The following LMNB2 variants were observed in gnomAD, a reference collection of about 807,000 sequenced individuals.
The protein encoded by LMNB2 is lamin B2.
LMNB2 carries 17 observed loss-of-function variants against 69.3 expected under a neutral mutation model. The observed-to-expected ratio is 0.25, with a 90% confidence interval of 0.17 to 0.37. The LOEUF is 0.37. Among genes scored for constraint, LMNB2 ranks in the 10% least tolerant of loss-of-function variants. The pLI, the probability that LMNB2 is intolerant of heterozygous loss-of-function variation, is 1.00. For synonymous variants in LMNB2, 397 were observed against 389.3 expected, an observed-to-expected ratio of 1.02 and a Z score of -0.23; for missense variants, 789 against 883.6, an observed-to-expected ratio of 0.89 and a Z score of 1.36.
At chr19:2,451,537 C>T (rs1026783413) in intron 1 of LMNB2, among the ~76,000 whole-genome samples, 9 of 152,316 alleles carry the variant, frequency 5.9e-5, no homozygotes, top group African/African-American at 1.7e-4. Flanking sequence ...TTTGAGCCTG[C>T]GGAACGGGTG....
chr19:2,436,013 A>G (rs1462102306), intron 4 of LMNB2, among the ~76,000 whole-genome samples: 4 of 151,612 alleles, frequency 2.6e-5, no homozygotes, highest in African/African-American at 9.7e-5. Flanking sequence ...GGCCGGGCAC[A>G]GTGGCTCAAG....
At position 2,432,424 on chromosome 19, in the gene LMNB2, T is replaced by A; in HGVS notation, c.1582A>T (p.Met528Leu). ...CCTGCCCCACCACCTACCGTGACCA[T>A]CTGGCCGGCGCGCAGGATGTACTTG... ...TPKYILRAGQ[M>L]VTVWAAGAGV... The change falls in exon 9 of 12, where the codon ATG becomes TTG. Residue 528 changes from methionine to leucine, a missense_variant. Transcript: ENST00000325327. The A allele has an allele frequency of 1.3e-6, 2 of 1,484,752 alleles. No individual in the cohort carries two copies. Among genetic ancestry groups the A allele is most frequent in the Non-Finnish European group, 1.8e-6 (2 of 1,098,782 alleles). 92.0% of individuals were successfully genotyped at this position (1,484,752 alleles called of 1,614,324 possible).
chr19:2,455,830 G>C (rs887254858), intron 1 of LMNB2, among the ~76,000 whole-genome samples: 1 of 151,116 alleles, frequency 6.6e-6, no homozygotes, highest in Non-Finnish European at 1.5e-5. Context: ...GGAGATCCCC[G>C]AGGCCAGGCT....
chr19:2,445,142 G>A (rs1054743531), intron 1 of LMNB2, among the ~76,000 whole-genome samples: 5 of 151,918 alleles, frequency 3.3e-5, no homozygotes, highest in African/African-American at 9.7e-5. Context: ...GGCCCTCCCA[G>A]ACCCCACTGG....
At chr19:2,456,276 GA>G (rs1320615643) in intron 1 of LMNB2, among the ~76,000 whole-genome samples, 1 of 147,482 alleles carries the variant, frequency 6.8e-6, no homozygotes, top group Non-Finnish European at 1.5e-5. Context: ...CCCTCACTCA[GA>G]AGCCCCCAAA....
Position 2,443,426 on chromosome 19 carries a change from C to T in LMNB2, c.401+978G>A, listed in dbSNP as rs889268437. 1.3e-5 allele frequency among the ~76,000 whole-genome samples: 2 copies of T among 152,208 alleles called. No homozygotes were observed. Among genetic ancestry groups the T allele is most frequent in the Non-Finnish European group, 2.9e-5 (2 of 68,034 alleles). The stretch of plus-strand genomic sequence containing the variant: ...GGGTCCCCGGTCATTCCTCTGGCCA[C>T]ACTCCAACTCAGGGACAACGTGGAT... On this transcript the variant is annotated intron_variant, in intron 2 of 11. Transcript: ENST00000325327. The surrounding 1 kb of genome is among the most constrained non-coding windows in gnomAD (Gnocchi z 6.2).
At chr19:2,446,730 C>G (rs934130064) in intron 1 of LMNB2, among the ~76,000 whole-genome samples, 4 of 152,190 alleles carry the variant, frequency 2.6e-5, no homozygotes, top group Non-Finnish European at 5.9e-5. Flanking sequence ...TGAGACAGCT[C>G]TACAGAAAAC....
At chr19:2,439,759 G>A (rs1423295545) in intron 2 of LMNB2, among the ~76,000 whole-genome samples, 1 of 151,156 alleles carries the variant, frequency 6.6e-6, no homozygotes, top group Non-Finnish European at 1.5e-5. Flanking sequence ...TTGAGTTGGA[G>A]TTTCGCTCTT....
chr19:2,450,196 A>AC, intron 1 of LMNB2, among the ~76,000 whole-genome samples: 1 of 151,540 alleles, frequency 6.6e-6, no homozygotes, highest in Non-Finnish European at 1.5e-5. Flanking sequence ...CAACACACAA[A>AC]CCCCCATTGA....
In LMNB2 at chr19:2,438,401, C is replaced by T. The variant is rs770397639; in HGVS notation, c.532G>A (p.Ala178Thr). Residue 178 changes from alanine (A) to threonine (T), a missense_variant, in exon 3 of 12, where the codon GCT (alanine) becomes ACT (threonine). Ala to Thr is a moderately conservative substitution (Grantham distance 58, BLOSUM62 0). This residue lies in a region of LMNB2 where 609 missense variants were observed against 630.9 expected (regional missense o/e 0.97). Coordinates refer to ENST00000325327, the MANE Select transcript of LMNB2 (RefSeq NM_032737.4). ...SDKRGLESDV[A>T]ELRAQLAKAE... ...TTGGCCAGCTGGGCCCGCAGCTCAG[C>T]CACGTCACTCTCCAGGCCGCGCTTG... The T allele has an allele frequency of 5.0e-6, 8 of 1,612,824 alleles. No individual in the cohort carries two copies. The highest frequency in any genetic ancestry group is 6.8e-6 in the Non-Finnish European group (8 of 1,179,908).
At position 2,456,669 on chromosome 19, in the gene LMNB2, C is replaced by T. The variant is rs769967391; in HGVS notation, c.264+1G>A. ...CCCGGCCCCTAAGCCCCGGCGCCCA[C>T]CTCGCGCGTGGTCACCTCCTCCTTC... On this transcript the variant is annotated splice_donor_variant, in intron 1 of 11. Transcript: ENST00000325327. LOFTEE classifies it high-confidence loss of function. 7 of 1,531,278 alleles carry T rather than the reference C, an allele frequency of 4.6e-6. No individual in the cohort carries two copies. The highest frequency in any genetic ancestry group is 1.9e-5 in the Admixed American group (1 of 52,170). The allele number at this position is 1,531,278 out of a possible 1,614,324, so 94.9% of individuals were successfully genotyped here. A position where few individuals can be genotyped will look rare whatever the true frequency, so the allele number is the denominator to read the frequency against.
intron 9 of LMNB2, 97 bp downstream of exon 9, chr19:2,432,319 T>TGCCCC: frequency 1.1e-6 from 1 of 894,716 alleles, no homozygotes. Flanking sequence ...GCCACCATCA[T>TGCCCC]CCCCACCCAC....
rs150333146 is a variant in LMNB2 at position 2,444,495 on chromosome 19, G to A, written c.310C>T (p.Arg104Trp). 8 of 1,613,014 alleles carry A rather than the reference G, an allele frequency of 5.0e-6. No homozygotes were observed. The highest frequency in any genetic ancestry group is 2.5e-6 in the Non-Finnish European group (3 of 1,180,028). Residue 104 changes from arginine to tryptophan, a missense_variant, in exon 2 of 12, where the codon CGG (arginine) becomes TGG (tryptophan). Arg to Trp is a moderately radical substitution (Grantham distance 101). This residue lies in a region of LMNB2 where 145 missense variants were observed against 228.9 expected (regional missense o/e 0.63). Coordinates refer to ENST00000325327, the MANE Select transcript of LMNB2 (RefSeq NM_032737.4). ...ALYESELADA[R>W]RVLDETARER... The stretch of plus-strand genomic sequence containing the variant: ...CGAGCCGTCTCATCCAGGACTCTCC[G>A]GGCATCGGCCAGCTCCGACTCGTAC...
intron 1 of LMNB2, among the ~76,000 whole-genome samples, chr19:2,448,129 C>T (rs1019390753): frequency 1.3e-4 from 20 of 152,320 alleles, no homozygotes; most frequent in Middle Eastern, 3.4e-3. Context: ...CCCATGCAGG[C>T]GATCATCTGG....
At chr19:2,452,930 G>A (rs1218620701) in intron 1 of LMNB2, among the ~76,000 whole-genome samples, 2 of 147,574 alleles carry the variant, frequency 1.4e-5, no homozygotes, top group African/African-American at 2.5e-5. Context: ...ATCCTCATGG[G>A]GGCTGCGTCA....
Position 2,434,426 on chromosome 19 carries a change from C to T in LMNB2, c.1071G>A (p.Glu357=), listed in dbSNP as rs1478428577. ...DKFRKMLDAK[E]QEMTEMRDVM... Reference sequence around the variant, plus strand: ...CGTCCCGCATCTCCGTCATCTCCTGCTCCTTGGCGTCCAGCATCTTCCGGA... The same window carrying T: ...CGTCCCGCATCTCCGTCATCTCCTGTTCCTTGGCGTCCAGCATCTTCCGGA... The change falls in exon 7 of 12, where the codon GAG becomes GAA. Residue 357 remains glutamate (E), a synonymous_variant. Coordinates refer to ENST00000325327, the MANE Select transcript of LMNB2 (RefSeq NM_032737.4). The T allele has an allele frequency of 1.2e-6, 2 of 1,613,528 alleles. No homozygotes were observed. The highest frequency in any genetic ancestry group is 2.2e-5 in the East Asian group (1 of 44,878).
chr19:2,436,601 TCACCCACCTGCACTGCCGCC>T (rs1971825472), intron 4 of LMNB2, among the ~76,000 whole-genome samples: 1 of 37,926 alleles, frequency 2.6e-5, no homozygotes, highest in African/African-American at 1.1e-4. Flanking sequence ...CCACGGCCGC[TCACCCACCTGCACTGCCGCC>T]CTCCCACCCC....
intron 1 of LMNB2, among the ~76,000 whole-genome samples, chr19:2,455,931 G>C (rs1972082319): frequency 6.7e-6 from 1 of 148,426 alleles, no homozygotes; most frequent in Admixed American, 6.7e-5. Context: ...GGGACCCCTT[G>C]AAACCCCCTG....
At chr19:2,437,683 C>T (rs1274741035) in intron 4 of LMNB2, among the ~76,000 whole-genome samples, 1 of 151,872 alleles carries the variant, frequency 6.6e-6, no homozygotes, top group African/African-American at 2.4e-5. Flanking sequence ...CGCCTATAAT[C>T]CAGCTACTCG....
Sources: allele counts gnomAD v4.1 joint callset (sites outside exome capture counted in the v4.1 genomes callset), GRCh38; gene constraint gnomAD v4.1.1; regional missense constraint gnomAD v4.1.1; non-coding constraint Gnocchi (gnomAD v3.1); transcripts MANE v1.5; gene names NCBI Gene and HGNC (gene_info 2026-07-23, HGNC 2026-07-21).